Variants in KAZN observed in about 807,000 individuals in gnomAD.
The protein encoded by KAZN is kazrin, periplakin interacting protein.
KAZN carries 40 observed loss-of-function variants against 87.4 expected under a neutral mutation model. The ratio of observed to expected loss-of-function variants is 0.46; its 90% CI spans 0.36 to 0.60. The LOEUF is 0.60. Ranked by LOEUF, KAZN falls within the 20% of genes least tolerant of loss-of-function variation. The probability of loss-of-function intolerance (pLI) is 0.00; values close to 1 mark genes in which losing one functional copy is unlikely to be tolerated. For synonymous variants in KAZN, 466 were observed against 458.3 expected, an observed-to-expected ratio of 1.02 and a Z score of -0.22; for missense variants, 898 against 1,073.9, an observed-to-expected ratio of 0.84 and a Z score of 2.29.
chr1:14,361,215 G>A (rs966063644), intron 2 of KAZN, among the ~76,000 whole-genome samples: 5 of 152,332 alleles, frequency 3.3e-5, no homozygotes, highest in Admixed American at 2.0e-4. Context: ...GAACTTCCTG[G>A]CAGCTTTGTT....
chr1:14,070,167 C>CAAAAAAA (rs61327562), intron 1 of KAZN, among the ~76,000 whole-genome samples: 4 of 72,914 alleles, frequency 5.5e-5, no homozygotes, highest in East Asian at 5.0e-4. Context: ...GACTCCATCT[C>CAAAAAAA]AAAAAAAAAA....
At chr1:14,129,134 G>T (rs1021496846) in intron 1 of KAZN, among the ~76,000 whole-genome samples, 4 of 152,154 alleles carry the variant, frequency 2.6e-5, no homozygotes, top group Non-Finnish European at 4.4e-5. Flanking sequence ...CCAGCACATA[G>T]GGACTCACAT....
At chr1:14,401,566 A>G (rs541275390) in intron 2 of KAZN, among the ~76,000 whole-genome samples, 1 of 152,298 alleles carries the variant, frequency 6.6e-6, no homozygotes, top group Non-Finnish European at 1.5e-5. Context: ...CTGTAATCTC[A>G]GCACTTTGGG....
At chr1:14,808,897 C>A (rs891220517) in intron 1 of KAZN, among the ~76,000 whole-genome samples, 1 of 152,098 alleles carries the variant, frequency 6.6e-6, no homozygotes, top group Non-Finnish European at 1.5e-5. Flanking sequence ...ACTGGAGAAG[C>A]CTTCCCTCAT....
intron 2 of KAZN, among the ~76,000 whole-genome samples, chr1:14,187,316 T>G (rs1050666701): frequency 6.6e-6 from 1 of 152,154 alleles, no homozygotes; most frequent in Non-Finnish European, 1.5e-5. Flanking sequence ...TAAAAATATT[T>G]TGACAATTTT....
rs186018714 is a variant in KAZN at position 14,790,217 on chromosome 1, G to A, written c.227-170467G>A. Among the ~76,000 whole-genome samples, 76 of 151,168 alleles carry A rather than the reference G, an allele frequency of 5.0e-4. 4 individuals carry two copies. Among genetic ancestry groups the A allele is most frequent in the African/African-American group, 1.0e-3 (41 of 41,152 alleles). ...AGTAAAGACGGGGTTTCTCCATGTC[G>A]GTCAGGCTAGTCTTGAACTCCCGAC... On this transcript the variant is annotated intron_variant, in intron 1 of 14. Coordinates refer to ENST00000376030, the MANE Select transcript of KAZN (RefSeq NM_201628.3).
intron 1 of KAZN, among the ~76,000 whole-genome samples, chr1:13,961,072 TCCCCTACATTAGGGGCTGAG>T (rs1641731746): frequency 6.6e-6 from 1 of 152,184 alleles, no homozygotes. Context: ...GCATTCCTTC[TCCCCTACATTAGGGGCTGAG>T]CCCCTTTTTC....
intron 2 of KAZN, among the ~76,000 whole-genome samples, chr1:14,385,576 T>C (rs1661801805): frequency 6.6e-6 from 1 of 152,214 alleles, no homozygotes; most frequent in Non-Finnish European, 1.5e-5. Flanking sequence ...ATGTACTCAG[T>C]AGTCATTCAG....
At chr1:14,852,556 G>A (rs988540712) in intron 1 of KAZN, among the ~76,000 whole-genome samples, 5 of 152,200 alleles carry the variant, frequency 3.3e-5, no homozygotes, top group African/African-American at 1.2e-4. Context: ...GGCTTGGTCA[G>A]CGTTTTCAGC....
intron 1 of KAZN, among the ~76,000 whole-genome samples, chr1:14,706,409 C>T (rs867598831): frequency 2.0e-5 from 3 of 151,954 alleles, no homozygotes; most frequent in Middle Eastern, 3.4e-3. Context: ...CGCTGTTCTG[C>T]ACCACTGTAG....
chr1:14,559,383 G>A (rs1490880822), intron 2 of KAZN, among the ~76,000 whole-genome samples: 1 of 152,192 alleles, frequency 6.6e-6, no homozygotes, highest in African/African-American at 2.4e-5. Flanking sequence ...TCCATCCTCG[G>A]AATGATGGGT....
chr1:15,035,491 A>G (rs936097233), intron 3 of KAZN, among the ~76,000 whole-genome samples: 1 of 152,088 alleles, frequency 6.6e-6, no homozygotes, highest in African/African-American at 2.4e-5. Flanking sequence ...AATTTGTTTC[A>G]CCATGTATCT....
At chr1:14,910,391 C>T (rs868135140) in intron 1 of KAZN, among the ~76,000 whole-genome samples, 2 of 152,328 alleles carry the variant, frequency 1.3e-5, no homozygotes, top group African/African-American at 4.8e-5. Context: ...CTTGGTGTCT[C>T]TTGATTCAGC....
At chr1:14,772,038 C>CA (rs538529866) in intron 1 of KAZN, among the ~76,000 whole-genome samples, 1 of 152,134 alleles carries the variant, frequency 6.6e-6, no homozygotes, top group Non-Finnish European at 1.5e-5. Context: ...TCTAAGATGA[C>CA]AAAAAAATTT....
chr1:14,401,873 T>C (rs917021260), intron 2 of KAZN, among the ~76,000 whole-genome samples: 11 of 152,108 alleles, frequency 7.2e-5, no homozygotes, highest in Admixed American at 5.9e-4. Context: ...AAAAAATTGC[T>C]GCTGGAACCT....
intron 1 of KAZN, among the ~76,000 whole-genome samples, chr1:14,128,912 T>TA (rs1416990927): frequency 6.6e-6 from 1 of 152,176 alleles, no homozygotes; most frequent in East Asian, 1.9e-4. Context: ...GCCCCGGTGC[T>TA]AGAAGTACAA....
intron 1 of KAZN, among the ~76,000 whole-genome samples, chr1:14,681,357 CAT>C (rs1640560643): frequency 2.0e-5 from 3 of 151,890 alleles, no homozygotes; most frequent in Admixed American, 2.0e-4. Context: ...TTTTTGTGGA[CAT>C]ATGTTTTCAT....
intron 1 of KAZN, among the ~76,000 whole-genome samples, chr1:14,758,408 A>G (rs553169341): frequency 2.0e-5 from 3 of 152,050 alleles, no homozygotes; most frequent in Admixed American, 6.5e-5. Context: ...TCTGAGCTCA[A>G]GTGATGCTTC....
At chr1:15,030,066 G>C (rs957129390) in intron 2 of KAZN, among the ~76,000 whole-genome samples, 2 of 152,126 alleles carry the variant, frequency 1.3e-5, no homozygotes, top group African/African-American at 4.8e-5. Context: ...CCATTAACCA[G>C]CTGTGTGGTC....
Sources: gnomAD v4.1 joint callset for allele counts (sites outside exome capture counted in the v4.1 genomes callset) on GRCh38, gnomAD v4.1.1 for gene constraint, MANE v1.5 for transcripts, NCBI Gene and HGNC (gene_info 2026-07-23, HGNC 2026-07-21) for gene names.